The following ESRRG variants were observed in gnomAD, a reference collection of about 807,000 sequenced individuals.
The protein encoded by ESRRG is estrogen related receptor gamma, also known as estrogen-related receptor gamma.
Under a neutral mutation model 44.0 loss-of-function variants are expected in ESRRG, and 13 were observed. The observed-to-expected ratio is 0.30, with a 90% CI of 0.19 to 0.47. ESRRG has a LOEUF of 0.47. Ranked by LOEUF, ESRRG falls within the 20% of genes least tolerant of loss-of-function variation. The pLI is 1.00. For synonymous variants in ESRRG, 215 were observed against 214.6 expected (o/e 1.00, Z -0.02); for missense variants, 395 against 580.6 (o/e 0.68, Z 3.29).
At chr1:216,617,092 G>A (rs1302265114) in intron 3 of ESRRG, among the ~76,000 whole-genome samples, 2 of 152,090 alleles carry the variant, frequency 1.3e-5, no homozygotes, top group East Asian at 3.9e-4. Context: ...CATTTTCAAT[G>A]TTTGTTATAT....
intron 2 of ESRRG, among the ~76,000 whole-genome samples, chr1:216,658,222 T>C (rs1041205161): frequency 6.6e-6 from 1 of 152,126 alleles, no homozygotes; most frequent in Non-Finnish European, 1.5e-5. Flanking sequence ...CTCCACTGTA[T>C]TGAATGAAAA....
At chr1:216,969,747 G>A (rs778612428) in intron 1 of ESRRG, among the ~76,000 whole-genome samples, 3 of 151,974 alleles carry the variant, frequency 2.0e-5, no homozygotes, top group Non-Finnish European at 4.4e-5. Context: ...CACCATGCCC[G>A]GCTAATTTTG....
At chr1:216,750,099 C>T (rs1201607575) in intron 2 of ESRRG, among the ~76,000 whole-genome samples, 1 of 152,148 alleles carries the variant, frequency 6.6e-6, no homozygotes, top group Non-Finnish European at 1.5e-5. Context: ...TCCTCCCTCC[C>T]TTCCTTCAGC....
intron 1 of ESRRG, among the ~76,000 whole-genome samples, chr1:217,072,539 T>G (rs966352975): frequency 1.3e-5 from 2 of 152,224 alleles, no homozygotes; most frequent in African/African-American, 4.8e-5. Flanking sequence ...ATAGTTATTT[T>G]AACCCCAGCT....
chr1:216,575,594 G>A (rs1471685197), intron 3 of ESRRG, among the ~76,000 whole-genome samples: 1 of 152,058 alleles, frequency 6.6e-6, no homozygotes, highest in African/African-American at 2.4e-5. Flanking sequence ...ATCCTATGAG[G>A]CAGGTGCTAT....
chr1:216,798,431 G>T (rs1416139871), intron 2 of ESRRG, among the ~76,000 whole-genome samples: 2 of 152,198 alleles, frequency 1.3e-5, no homozygotes, highest in African/African-American at 2.4e-5. Context: ...ATGTGAGGGA[G>T]TTTGGAGAGG....
At chr1:217,128,279 T>G (rs967212279) in intron 1 of ESRRG, among the ~76,000 whole-genome samples, 1 of 152,232 alleles carries the variant, frequency 6.6e-6, no homozygotes, top group African/African-American at 2.4e-5. Context: ...AGCAACCAAT[T>G]TAAAACAATA....
intron 1 of ESRRG, among the ~76,000 whole-genome samples, chr1:217,098,182 C>T (rs1022548147): frequency 1.3e-5 from 2 of 152,138 alleles, no homozygotes; most frequent in Non-Finnish European, 2.9e-5. Flanking sequence ...TTCACAGACC[C>T]ATAAAGCTTA....
chr1:216,926,443 C>T (rs545320394), intron 2 of ESRRG, among the ~76,000 whole-genome samples: 43 of 151,056 alleles, frequency 2.8e-4, no homozygotes, highest in African/African-American at 9.5e-4. Flanking sequence ...ACTCCTGTTT[C>T]GTTCCTGTGA....
At chr1:216,531,980 C>G (rs1190743068) in intron 5 of ESRRG, among the ~76,000 whole-genome samples, 1 of 151,950 alleles carries the variant, frequency 6.6e-6, no homozygotes, top group African/African-American at 2.4e-5. Flanking sequence ...CAGGTTGATT[C>G]AAGGAAATAC....
chr1:216,870,015 G>A (rs1170271604), intron 2 of ESRRG, among the ~76,000 whole-genome samples: 1 of 151,800 alleles, frequency 6.6e-6, no homozygotes, highest in Non-Finnish European at 1.5e-5. Context: ...TAATCTTCTA[G>A]TACAATATTG....
At chr1:216,774,769 T>C (rs975553684) in intron 2 of ESRRG, among the ~76,000 whole-genome samples, 1 of 146,246 alleles carries the variant, frequency 6.8e-6, no homozygotes, top group Admixed American at 6.9e-5. Flanking sequence ...ATTAAGGTAA[T>C]AAGACAGTAA....
chr1:217,017,955 C>T (rs1401440047), intron 1 of ESRRG, among the ~76,000 whole-genome samples: 1 of 152,100 alleles, frequency 6.6e-6, no homozygotes, highest in East Asian at 1.9e-4. Context: ...ATATAAATTG[C>T]CTGCTGTCAG....
intron 2 of ESRRG, among the ~76,000 whole-genome samples, chr1:216,875,780 G>A (rs1299907342): frequency 1.3e-5 from 2 of 152,100 alleles, no homozygotes; most frequent in African/African-American, 4.8e-5. Context: ...ATACCTACAA[G>A]TGAAATTGCT....
chr1:217,011,622 G>C (rs3072248), intron 1 of ESRRG, among the ~76,000 whole-genome samples: 1 of 36,544 alleles, frequency 2.7e-5, no homozygotes, highest in Non-Finnish European at 5.8e-5. Flanking sequence ...AAACTAGCCT[G>C]GGATTGCTTT....
At chr1:216,952,397 G>A (rs2067125297) in intron 1 of ESRRG, among the ~76,000 whole-genome samples, 2 of 152,128 alleles carry the variant, frequency 1.3e-5, no homozygotes, top group Admixed American at 1.3e-4. Flanking sequence ...ACAAGGACAG[G>A]ATCCCTAATA....
intron 1 of ESRRG, among the ~76,000 whole-genome samples, chr1:216,956,650 C>A (rs2068012665): frequency 6.6e-6 from 1 of 152,028 alleles, no homozygotes; most frequent in Non-Finnish European, 1.5e-5. Flanking sequence ...AAAATGCCTT[C>A]AAAAAAGATT....
At chr1:216,721,466 C>A (rs2086262843) in intron 1 of ESRRG, among the ~76,000 whole-genome samples, 1 of 152,160 alleles carries the variant, frequency 6.6e-6, no homozygotes, top group Admixed American at 6.5e-5. Context: ...TGCATCCAGA[C>A]AATAAATCTG....
At chr1:217,027,891 T>C (rs1415351283) in intron 1 of ESRRG, among the ~76,000 whole-genome samples, 2 of 152,238 alleles carry the variant, frequency 1.3e-5, no homozygotes, top group Non-Finnish European at 2.9e-5. Flanking sequence ...CCCTTGTGCA[T>C]AATCATTGCC....
Sources: gnomAD v4.1 joint callset for allele counts (sites outside exome capture counted in the v4.1 genomes callset) on GRCh38, gnomAD v4.1.1 for gene constraint, MANE v1.5 for transcripts, NCBI Gene and HGNC (gene_info 2026-07-23, HGNC 2026-07-21) for gene names.